Variants in TWIST2 observed in about 807,000 individuals in gnomAD.
The protein encoded by TWIST2 is twist family bHLH transcription factor 2.
TWIST2 carries 1 observed loss-of-function variant against 11.6 expected under a neutral mutation model. That is an observed-to-expected ratio of 0.09 (90% CI 0.03 to 0.41). TWIST2 has a LOEUF of 0.41. Ranked by LOEUF, TWIST2 falls within the 10% of genes least tolerant of loss-of-function variation. The pLI is 0.98. For missense variants in TWIST2, 168 were observed against 226.4 expected (o/e 0.74, Z 1.66); for synonymous variants, 87 against 96.6 (o/e 0.90, Z 0.58).
chr2:238,878,524 T>G (rs141217973), intron 1 of TWIST2, among the ~76,000 whole-genome samples: 1 of 152,166 alleles, frequency 6.6e-6, no homozygotes, highest in Non-Finnish European at 1.5e-5. Context: ...GTCCTGGTGA[T>G]TGTCAGAGGC....
At position 238,867,304 on chromosome 2, in the gene TWIST2, T is replaced by G. The variant is rs1692557609; in HGVS notation, c.*35+18571T>G. ...TGTACAGCCTAGCCTGGAGACATCT[T>G]GGGGGAAAGTGATTCATCTGATCTG... is the stretch of plus-strand genomic sequence containing the variant. On this transcript the variant is annotated intron_variant, in intron 1 of 1. Coordinates refer to ENST00000612363, the MANE Select transcript of TWIST2 (RefSeq NM_001271893.4). This position sits in a 1 kb window ranked among gnomAD's most constrained non-coding sequence, Gnocchi z 4.8. Among the ~76,000 whole-genome samples the G allele has an allele frequency of 3.3e-5, 5 of 149,440 alleles. No homozygotes were observed. The highest frequency in any genetic ancestry group is 2.7e-4 in the Admixed American group (4 of 14,870).
intron 1 of TWIST2, among the ~76,000 whole-genome samples, chr2:238,905,448 G>C (rs1693328743): frequency 1.3e-5 from 2 of 152,270 alleles, no homozygotes; most frequent in Admixed American, 1.3e-4. Flanking sequence ...CATGGCTGGG[G>C]TCAGGGTGAC....
In TWIST2 at chr2:238,864,086, G is replaced by T. The variant is rs770733328; in HGVS notation, c.*35+15353G>T. Reference sequence around the variant, plus strand: ...CTTTACACCCTGGGCTACATTTGACGCATATTTCTGGCAAATTCTGGGACC... The same window carrying T: ...CTTTACACCCTGGGCTACATTTGACTCATATTTCTGGCAAATTCTGGGACC... On this transcript the variant is annotated intron_variant, in intron 1 of 1. Transcript: ENST00000612363. This position sits in a 1 kb window ranked among gnomAD's most constrained non-coding sequence, Gnocchi z 4.7. Among the ~76,000 whole-genome samples, 3 of 152,014 alleles carry T rather than the reference G, an allele frequency of 2.0e-5. No individual in the cohort carries two copies. Among genetic ancestry groups the T allele is most frequent in the Non-Finnish European group, 2.9e-5 (2 of 68,026 alleles).
chr2:238,873,798 C>T (rs191897937), intron 1 of TWIST2, among the ~76,000 whole-genome samples: 35 of 152,254 alleles, frequency 2.3e-4, no homozygotes, highest in Admixed American at 2.0e-3. Context: ...ATCTCGATAC[C>T]AGAAACAAAA....
chr2:238,889,983 AGGCTGCCCAGCC>A (rs1311021851), intron 1 of TWIST2, among the ~76,000 whole-genome samples: 1 of 88,782 alleles, frequency 1.1e-5, no homozygotes, highest in Non-Finnish European at 2.9e-5. Flanking sequence ...GCCTGTGCGG[AGGCTGCCCAGCC>A]TGGCCTGTGC....
chr2:238,896,118 G>A (rs1693203622), intron 1 of TWIST2, among the ~76,000 whole-genome samples: 1 of 152,162 alleles, frequency 6.6e-6, no homozygotes, highest in Non-Finnish European at 1.5e-5. Flanking sequence ...CAGCAGGCAA[G>A]CCGGGGTCAG....
chr2:238,903,091 CTGTGGGGTATGTGCGTGA>C (rs1693297468), intron 1 of TWIST2, among the ~76,000 whole-genome samples: 1 of 40,774 alleles, frequency 2.5e-5, no homozygotes, highest in Non-Finnish European at 4.6e-5. Context: ...GGGGTGTGTG[CTGTGGGGTATGTGCGTGA>C]TGTGAGGTGT....
At chr2:238,884,735 G>T (rs140553917) in intron 1 of TWIST2, among the ~76,000 whole-genome samples, 231 of 152,334 alleles carry the variant, frequency 1.5e-3, no homozygotes, top group Non-Finnish European at 2.5e-3. Context: ...CTAGCCCCCA[G>T]TGCTGGCAAA....
intron 1 of TWIST2, among the ~76,000 whole-genome samples, chr2:238,860,830 C>G (rs184824419): frequency 1.3e-5 from 2 of 152,012 alleles, no homozygotes; most frequent in East Asian, 3.9e-4. Flanking sequence ...CCCAGCTACT[C>G]GGGAGGCTGA....
chr2:238,876,744 G>C (rs2106362543), intron 1 of TWIST2, among the ~76,000 whole-genome samples: 1 of 152,236 alleles, frequency 6.6e-6, no homozygotes, highest in East Asian at 1.9e-4. Flanking sequence ...CCAGGTTTTT[G>C]ACACACTTTG....
At chr2:238,855,977 G>A (rs564447510) in intron 1 of TWIST2, among the ~76,000 whole-genome samples, 6 of 152,242 alleles carry the variant, frequency 3.9e-5, no homozygotes, top group Admixed American at 2.6e-4. Context: ...ACAGATATCT[G>A]TACCCTAAGA....
At chr2:238,853,382 GGAGA>G (rs374173009) in intron 1 of TWIST2, among the ~76,000 whole-genome samples, 75 of 139,974 alleles carry the variant, frequency 5.4e-4, no homozygotes, top group Middle Eastern at 7.5e-3. Flanking sequence ...GAGGAGGGAG[GGAGA>G]GAGAGAGAGA....
chr2:238,865,438 A>C (rs1300030119), intron 1 of TWIST2, among the ~76,000 whole-genome samples: 1 of 152,198 alleles, frequency 6.6e-6, no homozygotes, highest in Non-Finnish European at 1.5e-5. Context: ...ACACCCCTGC[A>C]GTCTGCTCTC....
chr2:238,852,674 T>TGCACAG (rs371174170), intron 1 of TWIST2, among the ~76,000 whole-genome samples: 31,565 of 151,700 alleles, frequency 0.21, 3,698 homozygotes, highest in East Asian at 0.37. Context: ...CACACGCACA[T>TGCACAG]GCACGTGCAC....
At chr2:238,907,548 T>C (rs1048628569) in intron 1 of TWIST2, among the ~76,000 whole-genome samples, 12 of 152,096 alleles carry the variant, frequency 7.9e-5, no homozygotes, top group Non-Finnish European at 1.8e-4. Flanking sequence ...CACAGTTTGA[T>C]TGGCCCACAA....
intron 1 of TWIST2, among the ~76,000 whole-genome samples, chr2:238,868,463 G>A (rs145975149): frequency 6.6e-6 from 1 of 152,354 alleles, no homozygotes; most frequent in Non-Finnish European, 1.5e-5. Flanking sequence ...TGGGGGATGG[G>A]GGACTGGCTA....
rs1692538013 is a variant in TWIST2, at chr2:238,866,559, T to C, written c.*35+17826T>C. ...GTAATCCCAGCTACCTGGGAGGCTGTGGCAGGAGAATTGCTTGAACCCGGG... is the reference window on the plus strand; with the variant it reads ...GTAATCCCAGCTACCTGGGAGGCTGCGGCAGGAGAATTGCTTGAACCCGGG... On this transcript the variant is annotated intron_variant, in intron 1 of 1. Transcript: ENST00000612363. This position sits in a 1 kb window ranked among gnomAD's most constrained non-coding sequence, Gnocchi z 4.9. Among the ~76,000 whole-genome samples, 1 of 152,120 alleles carries C rather than the reference T, an allele frequency of 6.6e-6. No individual in the cohort carries two copies. The highest frequency in any genetic ancestry group is 6.5e-5 in the Admixed American group (1 of 15,288).
intron 1 of TWIST2, among the ~76,000 whole-genome samples, chr2:238,869,832 T>C (rs942951168): frequency 1.3e-5 from 2 of 152,022 alleles, no homozygotes; most frequent in Non-Finnish European, 2.9e-5. Context: ...CCTATAATCC[T>C]AGCTACTTGA....
intron 1 of TWIST2, among the ~76,000 whole-genome samples, chr2:238,903,264 T>C (rs1398482201): frequency 4.7e-5 from 7 of 148,760 alleles, no homozygotes; most frequent in Admixed American, 1.3e-4. Flanking sequence ...GTAGTGTGTG[T>C]GCGATGTGGG....
Sources: allele counts gnomAD v4.1 joint callset (sites outside exome capture counted in the v4.1 genomes callset), GRCh38; gene constraint gnomAD v4.1.1; non-coding constraint Gnocchi (gnomAD v3.1); transcripts MANE v1.5; gene names NCBI Gene and HGNC (gene_info 2026-07-23, HGNC 2026-07-21).